Variants in NEK6 observed in about 807,000 individuals in gnomAD.
NEK6 encodes the protein NIMA related kinase 6.
In NEK6, 27 loss-of-function variants were observed where a neutral mutation model predicts 43.5. The observed-to-expected ratio is 0.62, with a 90% CI of 0.46 to 0.86. The LOEUF is 0.86. Among genes scored for constraint, NEK6 ranks in the 40% least tolerant of loss-of-function variants. The pLI is 0.00. For missense variants in NEK6, 318 were observed against 414.4 expected (o/e 0.77, Z 2.02); for synonymous variants, 167 against 164.1 (o/e 1.02, Z -0.14).
chr9:124,272,068 A>G (rs1365286894), intron 1 of NEK6, among the ~76,000 whole-genome samples: 1 of 152,134 alleles, frequency 6.6e-6, no homozygotes, highest in Non-Finnish European at 1.5e-5. Flanking sequence ...CAGTTTTCCC[A>G]ATCTATTGTG....
At chr9:124,350,777 A>G in intron 9 of NEK6, 60 bp from the exon 10 acceptor site, 1 of 1,160,094 alleles carries the variant, frequency 8.6e-7, no homozygotes, top group Non-Finnish European at 1.3e-6. Context: ...CAGACTGTGG[A>G]GTGCGGAGCC....
intron 1 of NEK6, among the ~76,000 whole-genome samples, chr9:124,260,386 TTTTA>T (rs906935947): frequency 4.6e-5 from 7 of 152,016 alleles, no homozygotes; most frequent in South Asian, 2.1e-4. Context: ...CCCCATTTAT[TTTTA>T]TTTATTTATT....
intron 2 of NEK6, among the ~76,000 whole-genome samples, chr9:124,307,976 C>G (rs529139724): frequency 2.8e-4 from 42 of 152,186 alleles, no homozygotes; most frequent in Admixed American, 7.2e-4. Flanking sequence ...TAGGCCCATT[C>G]GACAGATAGC....
At chr9:124,293,010 C>T (rs1472806642) in intron 1 of NEK6, 4 of 1,556,074 alleles carry the variant, frequency 2.6e-6, no homozygotes, top group East Asian at 2.4e-5. Context: ...GCCAAGGCCT[C>T]GAGGTGAGAG....
At chr9:124,337,406 A>T (rs1829352211) in intron 7 of NEK6, among the ~76,000 whole-genome samples, 2 of 152,196 alleles carry the variant, frequency 1.3e-5, no homozygotes, top group Non-Finnish European at 2.9e-5. Context: ...TTCACTTTTT[A>T]ACTGAGGTAT....
At chr9:124,279,617 T>C (rs1185139337) in intron 1 of NEK6, among the ~76,000 whole-genome samples, 1 of 152,196 alleles carries the variant, frequency 6.6e-6, no homozygotes, top group Non-Finnish European at 1.5e-5. Context: ...TTTCTCTTTC[T>C]GACTTCACTT....
intron 4 of NEK6, among the ~76,000 whole-genome samples, chr9:124,315,573 C>T (rs1174105258): frequency 6.6e-6 from 1 of 152,252 alleles, no homozygotes; most frequent in Non-Finnish European, 1.5e-5. Flanking sequence ...CTTGCTGCCA[C>T]TTACCCAGCC....
intron 8 of NEK6, among the ~76,000 whole-genome samples, chr9:124,344,748 T>G (rs756219537): frequency 1.1e-4 from 17 of 152,154 alleles, no homozygotes; most frequent in Non-Finnish European, 2.2e-4. Flanking sequence ...CCCAGGATCC[T>G]CATAGGGGGC....
At chr9:124,282,679 C>T (rs985022140) in intron 1 of NEK6, among the ~76,000 whole-genome samples, 2 of 152,202 alleles carry the variant, frequency 1.3e-5, no homozygotes, top group African/African-American at 2.4e-5. Context: ...GGCCGGGATC[C>T]CCCTGACTCT....
intron 2 of NEK6, among the ~76,000 whole-genome samples, chr9:124,309,524 C>T (rs959018204): frequency 6.6e-6 from 1 of 152,152 alleles, no homozygotes; most frequent in Admixed American, 6.5e-5. Context: ...GGGAGGGAGC[C>T]CACCCCCATC....
Position 124,308,587 on chromosome 9 carries a change from C to T in NEK6, c.91-3922C>T, listed in dbSNP as rs371511337. Among the ~76,000 whole-genome samples, 30 of 147,394 alleles carry T rather than the reference C, an allele frequency of 2.0e-4. No individual in the cohort carries two copies. The East Asian group carries it at 4.3e-3, about 21-fold the overall frequency. On this transcript the variant is annotated intron_variant, in intron 2 of 9. Transcript: ENST00000320246. Reference sequence around the variant, plus strand: ...AGGAGAATCGCTTGAACCCGGGAGGCGGAGATTGCAATGAGCCGAGATCGC... The same window carrying T: ...AGGAGAATCGCTTGAACCCGGGAGGTGGAGATTGCAATGAGCCGAGATCGC...
At chr9:124,280,571 A>G (rs540729863) in intron 1 of NEK6, among the ~76,000 whole-genome samples, 73 of 152,294 alleles carry the variant, frequency 4.8e-4, no homozygotes, top group African/African-American at 1.6e-3. Flanking sequence ...TGGGGCAGAC[A>G]TGGGTGTGAC....
intron 7 of NEK6, among the ~76,000 whole-genome samples, chr9:124,335,707 A>G (rs75788888): frequency 0.012 from 1,850 of 152,346 alleles, 42 homozygotes; most frequent in African/African-American, 0.043. Context: ...GGATGCGGCA[A>G]CAAACAAAGT....
In NEK6 at chr9:124,348,915, T is replaced by C. The variant is rs563991520; in HGVS notation, c.831+1093T>C. ...AGTTAAAAAGACCGGTGAGGCAGGA[T>C]CTGAACCCACATGCGCAGCCACGGA... On this transcript the variant is annotated intron_variant, in intron 9 of 9. Coordinates refer to ENST00000320246, the MANE Select transcript of NEK6 (RefSeq NM_014397.6). Among the ~76,000 whole-genome samples, 40 of 152,334 alleles carry C rather than the reference T, an allele frequency of 2.6e-4. 4 individuals carry two copies. Among genetic ancestry groups the C allele is most frequent in the South Asian group, 2.5e-3 (12 of 4,824 alleles).
chr9:124,342,880 C>G (rs986947633), intron 8 of NEK6, among the ~76,000 whole-genome samples: 5 of 151,130 alleles, frequency 3.3e-5, no homozygotes, highest in African/African-American at 1.2e-4. Context: ...AGAGCTGTGC[C>G]CACTTCCCTG....
At chr9:124,284,610 G>A (rs1429439394) in intron 1 of NEK6, among the ~76,000 whole-genome samples, 1 of 152,268 alleles carries the variant, frequency 6.6e-6, no homozygotes, top group African/African-American at 2.4e-5. Flanking sequence ...AGGCAGGACT[G>A]AGGCGGTCTC....
intron 8 of NEK6, among the ~76,000 whole-genome samples, chr9:124,340,997 G>A (rs1378100856): frequency 6.6e-6 from 1 of 152,230 alleles, no homozygotes; most frequent in African/African-American, 2.4e-5. Flanking sequence ...TTGAGACTAT[G>A]AGTTCAAAAC....
intron 1 of NEK6, among the ~76,000 whole-genome samples, chr9:124,286,772 C>T (rs1832183286): frequency 6.6e-6 from 1 of 152,346 alleles, no homozygotes. Context: ...GGCGCCCCAG[C>T]CATGAGCTCC....
In NEK6 at chr9:124,343,221, ACAGCCGGGGGGCGGTGAGGGGACGGATCG is replaced by A. The variant is rs1258734532; in HGVS notation, c.717+3568_717+3596del. Among the ~76,000 whole-genome samples, 7 of 138,728 alleles carry A rather than the reference ACAGCCGGGGGGCGGTGAGGGGACGGATCG, an allele frequency of 5.0e-5. No homozygotes were observed. Among genetic ancestry groups the A allele is most frequent in the African/African-American group, 1.8e-4 (7 of 38,122 alleles). 91.0% of individuals were successfully genotyped at this position (138,728 alleles called of 152,430 possible). A position where few individuals can be genotyped will look rare whatever the true frequency, so the allele number is the denominator to read the frequency against. On this transcript the variant is annotated intron_variant, in intron 8 of 9. Coordinates refer to ENST00000320246, the MANE Select transcript of NEK6 (RefSeq NM_014397.6). The surrounding 1 kb of genome is among the most constrained non-coding windows in gnomAD (Gnocchi z 5.1). Reference sequence around the variant, plus strand: ...GGCTCGCAGCTGGGGGGGCTGGACCACAGCCGGGGGGCGGTGAGGGGACGGATCGCAGCCGGGGGGTGGTACGGGGGATG... The same window carrying A: ...GGCTCGCAGCTGGGGGGGCTGGACCACAGCCGGGGGGTGGTACGGGGGATG...
Sources: gnomAD v4.1 joint callset for allele counts (sites outside exome capture counted in the v4.1 genomes callset) on GRCh38, gnomAD v4.1.1 for gene constraint, Gnocchi (gnomAD v3.1) non-coding constraint, MANE v1.5 for transcripts, NCBI Gene and HGNC (gene_info 2026-07-23, HGNC 2026-07-21) for gene names.